The following RIMS1 variants were observed in gnomAD, a reference collection of about 807,000 sequenced individuals.
The protein encoded by RIMS1 is regulating synaptic membrane exocytosis 1.
A neutral mutation model predicts 214.1 loss-of-function variants in RIMS1; 83 were observed. The ratio of observed to expected loss-of-function variants is 0.39; its 90% CI spans 0.32 to 0.47. The LOEUF (loss-of-function observed/expected upper bound fraction) is 0.47. Ranked by LOEUF, RIMS1 falls within the 20% of genes least tolerant of loss-of-function variation. RIMS1 has a pLI of 0.99. For missense variants in RIMS1, 2,050 were observed against 2,161.8 expected, an observed-to-expected ratio of 0.95 and a Z score of 1.03; for synonymous variants, 793 against 786.8, an observed-to-expected ratio of 1.01 and a Z score of -0.13.
In RIMS1 at chr6:72,121,897, C is replaced by T. The variant is rs555652583; in HGVS notation, c.471+21911C>T. 2.0e-5 allele frequency among the ~76,000 whole-genome samples: 3 copies of T among 151,806 alleles called. No homozygotes were observed. The South Asian group carries it at 6.2e-4, about 32-fold the overall frequency. On this transcript the variant is annotated intron_variant, in intron 4 of 33. Transcript: ENST00000521978. ...AATTTTGTCGAAGGACTTTTCTGCACCTATTGAGATAATCATGTGGTTTTT... is the reference window on the plus strand; with the variant it reads ...AATTTTGTCGAAGGACTTTTCTGCATCTATTGAGATAATCATGTGGTTTTT...
chr6:71,969,117 T>C, intron 2 of RIMS1, 54 bp downstream of exon 2: 1 of 1,528,006 alleles, frequency 6.5e-7, no homozygotes, highest in South Asian at 1.1e-5. Context: ...ACACAGATCA[T>C]GGTTACAGAT....
chr6:72,105,096 A>C (rs942914397), intron 4 of RIMS1, among the ~76,000 whole-genome samples: 3 of 151,874 alleles, frequency 2.0e-5, no homozygotes, highest in East Asian at 1.9e-4. Context: ...AATTAAAAAA[A>C]ATTTTTTTTT....
At chr6:72,120,285 T>C (rs2153830050) in intron 4 of RIMS1, among the ~76,000 whole-genome samples, 1 of 151,948 alleles carries the variant, frequency 6.6e-6, no homozygotes, top group East Asian at 1.9e-4. Context: ...GTAAAAGTGT[T>C]CCTATTTCTC....
At chr6:72,334,539 C>A (rs17728022) in intron 29 of RIMS1, among the ~76,000 whole-genome samples, 1 of 151,590 alleles carries the variant, frequency 6.6e-6, no homozygotes, top group Non-Finnish European at 1.5e-5. Flanking sequence ...ATAAAATTGG[C>A]CAGACAGATT....
At position 72,122,354 on chromosome 6, in the gene RIMS1, G is replaced by C. The variant is rs534956900; in HGVS notation, c.471+22368G>C. On this transcript the variant is annotated intron_variant, in intron 4 of 33. Coordinates refer to ENST00000521978, the MANE Select transcript of RIMS1 (RefSeq NM_014989.7). The stretch of plus-strand genomic sequence containing the variant: ...TAAGTAGCTGGGACTACAGGTGCCT[G>C]CCACTGCACCTGGCTAATTTTTTTT... Among the ~76,000 whole-genome samples the C allele has an allele frequency of 5.5e-4, 84 of 151,470 alleles. 1 individual carries two copies. The highest frequency in any genetic ancestry group is 1.9e-3 in the African/African-American group (80 of 41,422).
intron 2 of RIMS1, among the ~76,000 whole-genome samples, chr6:71,981,842 T>C (rs1368175077): frequency 1.3e-5 from 2 of 152,114 alleles, no homozygotes; most frequent in African/African-American, 4.8e-5. Flanking sequence ...CCACCTGCAG[T>C]GTTCACCTCT....
chr6:71,949,515 G>A (rs1055603950), intron 1 of RIMS1, among the ~76,000 whole-genome samples: 1 of 152,026 alleles, frequency 6.6e-6, no homozygotes, highest in Non-Finnish European at 1.5e-5. Flanking sequence ...TTGTTTTGTG[G>A]GCAAAGTCGC....
At chr6:72,075,728 A>T (rs1161086411) in intron 2 of RIMS1, among the ~76,000 whole-genome samples, 1 of 152,242 alleles carries the variant, frequency 6.6e-6, no homozygotes, top group Admixed American at 6.5e-5. Flanking sequence ...TAAATAACAC[A>T]AAAGTTCAAA....
chr6:72,121,332 C>T (rs2038257062), intron 4 of RIMS1, among the ~76,000 whole-genome samples: 1 of 151,802 alleles, frequency 6.6e-6, no homozygotes, highest in African/African-American at 2.4e-5. Flanking sequence ...TTTCGTTGAG[C>T]AGTGGTTTGC....
chr6:72,398,931 A>T (rs776711343), intron 32 of RIMS1, 24 bp from the exon 33 acceptor site: 1 of 1,405,994 alleles, frequency 7.1e-7, no homozygotes, highest in Non-Finnish European at 9.9e-7. Context: ...ATAATTTCTT[A>T]TATGTTAATA....
At chr6:72,121,918 T>C (rs1018401588) in intron 4 of RIMS1, among the ~76,000 whole-genome samples, 4 of 151,998 alleles carry the variant, frequency 2.6e-5, no homozygotes, top group African/African-American at 9.6e-5. Context: ...AATCATGTGG[T>C]TTTTGTCTTT....
intron 4 of RIMS1, among the ~76,000 whole-genome samples, chr6:72,138,816 G>C (rs1386347352): frequency 2.6e-5 from 4 of 152,142 alleles, no homozygotes; most frequent in Non-Finnish European, 5.9e-5. Context: ...AGTGTTGTTG[G>C]GGGTTTTGAG....
chr6:72,355,458 G>C (rs898468804), intron 29 of RIMS1, among the ~76,000 whole-genome samples: 3 of 152,096 alleles, frequency 2.0e-5, no homozygotes, highest in Non-Finnish European at 4.4e-5. Context: ...GGGTTGTAAA[G>C]ATTTTTAAAT....
intron 31 of RIMS1, among the ~76,000 whole-genome samples, chr6:72,396,014 C>T (rs775131879): frequency 6.6e-6 from 1 of 151,698 alleles, no homozygotes; most frequent in Non-Finnish European, 1.5e-5. Flanking sequence ...CAGAGACCCT[C>T]ATGAACCCCA....
intron 2 of RIMS1, among the ~76,000 whole-genome samples, chr6:71,992,404 CTCTTTCTTTCTTTCTTTCTTTCTTTCTT>C (rs70994109): frequency 6.4e-5 from 7 of 110,080 alleles, no homozygotes; most frequent in African/African-American, 2.2e-4. Context: ...TTCTCTCTCT[CTCTTTCTTTCTTTCTTTCTTTCTTTCTT>C]TCTTTCTTTC....
chr6:72,182,966 G>C lies in RIMS1; in HGVS notation c.1495G>C (p.Asp499His). Residue 499 changes from aspartate to histidine, a missense_variant, in exon 6 of 34, where the codon GAC becomes CAC. Coordinates refer to ENST00000521978, the MANE Select transcript of RIMS1 (RefSeq NM_014989.7). ...REKVETMLRN[D>H]SLSSDQSESV... ...GAAGGTGGAGACCATGCTGCGGAAC[G>C]ACTCTTTGAGCTCAGACCAGTCCGA... The C allele has an allele frequency of 6.3e-7, 1 of 1,593,692 alleles. No homozygotes were observed. The highest frequency in any genetic ancestry group is 8.5e-7 in the Non-Finnish European group (1 of 1,171,296).
At chr6:72,010,666 C>T (rs555419220) in intron 2 of RIMS1, among the ~76,000 whole-genome samples, 13 of 152,004 alleles carry the variant, frequency 8.6e-5, no homozygotes, top group Non-Finnish European at 1.9e-4. Flanking sequence ...AAAAATCAAG[C>T]ATTCTTATAC....
chr6:72,073,728 T>C (rs1831120559), intron 2 of RIMS1, among the ~76,000 whole-genome samples: 1 of 152,164 alleles, frequency 6.6e-6, no homozygotes, highest in African/African-American at 2.4e-5. Flanking sequence ...CACTGATGAG[T>C]GAGTGGCCTG....
At position 72,368,487 on chromosome 6, in the gene RIMS1, G is replaced by T. The variant is rs899003019; in HGVS notation, c.4367-22111G>T. Among the ~76,000 whole-genome samples, 5 of 151,358 alleles carry T rather than the reference G, an allele frequency of 3.3e-5. No individual in the cohort carries two copies. The South Asian group carries it at 6.3e-4, about 19-fold the overall frequency. ...TTTTTTCTATTTTTAGTAGAGAAGG[G>T]ATTTCACCGTGTTAGCCAGGATGGT... On this transcript the variant is annotated intron_variant, in intron 29 of 33. Coordinates refer to ENST00000521978, the MANE Select transcript of RIMS1 (RefSeq NM_014989.7).
Sources: gnomAD v4.1 joint callset for allele counts (sites outside exome capture counted in the v4.1 genomes callset) on GRCh38, gnomAD v4.1.1 for gene constraint, MANE v1.5 for transcripts, NCBI Gene and HGNC (gene_info 2026-07-23, HGNC 2026-07-21) for gene names.